IL1RAPL1: variants seen among roughly 807,000 people sequenced by gnomAD.
IL1RAPL1 encodes the protein interleukin 1 receptor accessory protein like 1.
Under a neutral mutation model 48.4 loss-of-function variants are expected in IL1RAPL1, and 3 were observed. The ratio of observed to expected loss-of-function variants is 0.06; its 90% confidence interval spans 0.03 to 0.16. The LOEUF is 0.16. Ranked by LOEUF, IL1RAPL1 falls within the 10% of genes least tolerant of loss-of-function variation. The probability of loss-of-function intolerance (pLI) is 1.00; values close to 1 mark genes in which losing one functional copy is unlikely to be tolerated. For synonymous variants in IL1RAPL1, 185 were observed against 187.7 expected (o/e 0.99, Z 0.12); for missense variants, 349 against 530.6 (o/e 0.66, Z 3.36).
chrX:29,719,717 A>G (rs1172652562), intron 6 of IL1RAPL1, among the ~76,000 whole-genome samples: 1 of 96,725 alleles, frequency 1.0e-5, no homozygotes, highest in Non-Finnish European at 2.0e-5. Context: ...TCACCTTCAA[A>G]CTGCTCTCTC....
chrX:29,666,080 CA>C (rs1925989767), intron 5 of IL1RAPL1, among the ~76,000 whole-genome samples: 1 of 110,857 alleles, frequency 9.0e-6, no homozygotes, highest in African/African-American at 3.3e-5. Context: ...AGAGTTGAAT[CA>C]GTCCAGTTTT....
At chrX:28,846,023 A>G (rs1349049690) in intron 2 of IL1RAPL1, among the ~76,000 whole-genome samples, 1 of 112,032 alleles carries the variant, frequency 8.9e-6, no homozygotes, top group Admixed American at 9.5e-5. Context: ...TGCATCCACC[A>G]TTATAGTATC....
intron 2 of IL1RAPL1, among the ~76,000 whole-genome samples, chrX:29,004,024 C>T (rs1033345362): frequency 1.8e-5 from 2 of 110,835 alleles, no homozygotes; most frequent in Non-Finnish European, 3.8e-5. Flanking sequence ...TACCTGTCGT[C>T]CCAGCTACTT....
At position 29,775,364 on chromosome X, in the gene IL1RAPL1, G is replaced by A. The variant is rs1387206869; in HGVS notation, c.778+106860G>A. Among the ~76,000 whole-genome samples the A allele has an allele frequency of 2.7e-5, 3 of 111,574 alleles. No individual in the cohort carries two copies. In the East Asian group the frequency reaches 8.4e-4, roughly 31 times the overall value. ...GAATGGTGTGCTTTTGTGTGTTAAT[G>A]TGCCTGGGGTTGAAGTAGTTACTTG... On this transcript the variant is annotated intron_variant, in intron 6 of 10. Coordinates refer to ENST00000378993, the MANE Select transcript of IL1RAPL1 (RefSeq NM_014271.4).
At chrX:29,591,207 A>G (rs1488644824) in intron 5 of IL1RAPL1, among the ~76,000 whole-genome samples, 2 of 112,165 alleles carry the variant, frequency 1.8e-5, no homozygotes, top group African/African-American at 6.5e-5. Context: ...TCAAATGAAC[A>G]GGAAATTAAG....
chrX:28,685,266 C>T (rs1296968286), intron 1 of IL1RAPL1, among the ~76,000 whole-genome samples: 2 of 112,240 alleles, frequency 1.8e-5, no homozygotes, highest in Non-Finnish European at 3.8e-5. Context: ...TCTGGTGAGG[C>T]CCACCATCTC....
At chrX:29,150,885 G>A (rs1369235823) in intron 2 of IL1RAPL1, among the ~76,000 whole-genome samples, 1 of 100,414 alleles carries the variant, frequency 1.0e-5, no homozygotes, top group Non-Finnish European at 2.0e-5. Flanking sequence ...TCGTGCCACT[G>A]CACTCTAGCC....
Position 29,236,545 on chromosome X carries a change from CTTTT to C in IL1RAPL1, c.83-46371_83-46368del, listed in dbSNP as rs754996544. On this transcript the variant is annotated intron_variant, in intron 2 of 10. Transcript: ENST00000378993. ...TTTTCCTTTCTTTTTCTTTTTTTTT[CTTTT>C]TTTTTTTTTTTTTTTTTTTTTGAGA... 4.4e-3 allele frequency among the ~76,000 whole-genome samples: 277 copies of C among 63,172 alleles called. 4 individuals carry two copies. Among genetic ancestry groups the C allele is most frequent in the African/African-American group, 0.012 (179 of 14,903 alleles). 54.9% of individuals were successfully genotyped at this position (63,172 alleles called of 115,157 possible). A position where few individuals can be genotyped will look rare whatever the true frequency, so the allele number is the denominator to read the frequency against.
At chrX:29,544,325 T>G (rs191790175) in intron 5 of IL1RAPL1, among the ~76,000 whole-genome samples, 21 of 112,474 alleles carry the variant, frequency 1.9e-4, no homozygotes, top group Middle Eastern at 4.6e-3. Flanking sequence ...ATCGACTTAT[T>G]CATGTTGATT....
In IL1RAPL1 at chrX:29,136,449, T is replaced by C. The variant is rs193134510; in HGVS notation, c.83-146489T>C. ...GCTGCATTTGAACTCTTTATTCTAA[T>C]GTCTAAATAGGACTCACTATTTAGG... On this transcript the variant is annotated intron_variant, in intron 2 of 10. Coordinates refer to ENST00000378993, the MANE Select transcript of IL1RAPL1 (RefSeq NM_014271.4). Among the ~76,000 whole-genome samples the C allele has an allele frequency of 2.7e-5, 3 of 112,081 alleles. No individual in the cohort carries two copies. The Admixed American group carries it at 2.8e-4, about 11-fold the overall frequency.
Position 28,922,623 on chromosome X carries a change from T to G in IL1RAPL1, c.82+133198T>G, listed in dbSNP as rs183356962. On this transcript the variant is annotated intron_variant, in intron 2 of 10. Coordinates refer to ENST00000378993, the MANE Select transcript of IL1RAPL1 (RefSeq NM_014271.4). ...ATAAGTAGTTTGGCTAGAAATTGAG[T>G]GTTTCAAGCCATCTTGGCCCTTTGC... is the stretch of plus-strand genomic sequence containing the variant. Among the ~76,000 whole-genome samples, 110 of 112,092 alleles carry G rather than the reference T, an allele frequency of 9.8e-4. 4 individuals carry two copies. The East Asian group carries it at 0.03, about 31-fold the overall frequency.
At chrX:29,314,151 G>T (rs1020718675) in intron 3 of IL1RAPL1, among the ~76,000 whole-genome samples, 1 of 111,918 alleles carries the variant, frequency 8.9e-6, no homozygotes, top group Non-Finnish European at 1.9e-5. Context: ...ATTACTTAGT[G>T]CAGTAATAAA....
intron 1 of IL1RAPL1, among the ~76,000 whole-genome samples, chrX:28,609,628 T>TACACAAACAC (rs1934123444): frequency 1.1e-5 from 1 of 89,430 alleles, no homozygotes; most frequent in African/African-American, 4.2e-5. Context: ...TGCATGTTCT[T>TACACAAACAC]ACACACACAC....
At chrX:29,342,579 G>A (rs778796063) in intron 3 of IL1RAPL1, among the ~76,000 whole-genome samples, 43 of 112,098 alleles carry the variant, frequency 3.8e-4, no homozygotes, top group African/African-American at 1.1e-3. Flanking sequence ...TTAGTGATGC[G>A]TTTGGGCAGC....
rs1250755775 is a variant in IL1RAPL1, at chrX:29,002,716, A to T, written c.82+213291A>T. On this transcript the variant is annotated intron_variant, in intron 2 of 10. Coordinates refer to ENST00000378993, the MANE Select transcript of IL1RAPL1 (RefSeq NM_014271.4). ...AATAGATTTCAATTGAAATATTGAA[A>T]GCAACTTGTGTTGGTAAAAGATGAG... 2.7e-5 allele frequency among the ~76,000 whole-genome samples: 3 copies of T among 112,121 alleles called. No individual in the cohort carries two copies. The East Asian group carries it at 8.3e-4, about 31-fold the overall frequency.
intron 3 of IL1RAPL1, among the ~76,000 whole-genome samples, chrX:29,320,024 G>A (rs751480565): frequency 2.2e-4 from 25 of 111,938 alleles, no homozygotes; most frequent in Non-Finnish European, 1.9e-5. Context: ...AGGGGAGTCA[G>A]GGGAGTGAAG....
Position 29,835,987 on chromosome X carries a change from C to T in IL1RAPL1, c.779-81477C>T, listed in dbSNP as rs750791650. 1.1e-3 allele frequency among the ~76,000 whole-genome samples: 108 copies of T among 94,419 alleles called. 1 individual carries two copies. Among genetic ancestry groups the T allele is most frequent in the Admixed American group, 1.9e-3 (15 of 8,027 alleles). 82.0% of individuals were successfully genotyped at this position (94,419 alleles called of 115,157 possible). A position where few individuals can be genotyped will look rare whatever the true frequency, so the allele number is the denominator to read the frequency against. On this transcript the variant is annotated intron_variant, in intron 6 of 10. Coordinates refer to ENST00000378993, the MANE Select transcript of IL1RAPL1 (RefSeq NM_014271.4). ...TTTCATGGATCTTTTGTATTGTATT[C>T]TAGTCTTTATTTATTTCTGCTCTGA...
intron 2 of IL1RAPL1, among the ~76,000 whole-genome samples, chrX:29,083,148 A>T (rs1019045458): frequency 8.9e-6 from 1 of 111,862 alleles, no homozygotes; most frequent in South Asian, 3.7e-4. Flanking sequence ...GAAAGTATGT[A>T]GGGGGTGGAA....
intron 2 of IL1RAPL1, among the ~76,000 whole-genome samples, chrX:28,901,179 A>G (rs1220574407): frequency 3.6e-5 from 4 of 111,885 alleles, no homozygotes; most frequent in Non-Finnish European, 7.5e-5. Context: ...TTATGTGCTT[A>G]GGGCAAACAC....
Sources: gnomAD v4.1 joint callset for allele counts (sites outside exome capture counted in the v4.1 genomes callset) on GRCh38, gnomAD v4.1.1 for gene constraint, MANE v1.5 for transcripts, NCBI Gene and HGNC (gene_info 2026-07-23, HGNC 2026-07-21) for gene names.